The following NUTM2B variants were observed in gnomAD, a reference collection of about 807,000 sequenced individuals.
NUTM2B encodes the protein NUT family member 2B, also known as family with sequence similarity 22, member B.
Under a neutral mutation model 42.4 loss-of-function variants are expected in NUTM2B, and 2 were observed. That is an observed-to-expected ratio of 0.05 (90% confidence interval 0.02 to 0.15). The LOEUF (loss-of-function observed/expected upper bound fraction) is 0.15, where lower values mean the gene tolerates loss of function less well. Ranked by LOEUF, NUTM2B falls within the 10% of genes least tolerant of loss-of-function variation. The pLI is 1.00. For synonymous variants in NUTM2B, 18 were observed against 402.4 expected, an observed-to-expected ratio of 0.04 and a Z score of 11.43; for missense variants, 58 against 952.6, an observed-to-expected ratio of 0.06 and a Z score of 12.36.
At chr10:79,695,315 C>T in the NUTM2B span, among the ~76,000 whole-genome samples, 1 of 152,186 alleles carries the variant, frequency 6.6e-6, no homozygotes, top group Admixed American at 6.5e-5. Context: ...GCTGAGTATA[C>T]ATTTTCTGTA....
the NUTM2B span, among the ~76,000 whole-genome samples, chr10:79,694,631 C>T: frequency 5.9e-5 from 9 of 152,152 alleles, no homozygotes; most frequent in East Asian, 1.8e-3. Flanking sequence ...CACTGACCCC[C>T]ACCCCTGCCA....
At chr10:79,707,167 G>A (rs1177994286) in intron 2 of NUTM2B, among the ~76,000 whole-genome samples, 2 of 132,670 alleles carry the variant, frequency 1.5e-5, no homozygotes, top group Non-Finnish European at 3.2e-5. Flanking sequence ...CAGGAACCTG[G>A]CACATGCCTG....
upstream of NUTM2B, among the ~76,000 whole-genome samples, chr10:79,698,871 A>C (rs977610985): frequency 6.6e-6 from 1 of 152,154 alleles, no homozygotes; most frequent in Non-Finnish European, 1.5e-5. Context: ...AACACGCCAC[A>C]AATATGCAAA....
At chr10:79,692,682 C>A in the NUTM2B span, among the ~76,000 whole-genome samples, 1 of 152,184 alleles carries the variant, frequency 6.6e-6, no homozygotes, top group African/African-American at 2.4e-5. Context: ...CAGCTGTGTC[C>A]TTGCTGGTAG....
chr10:79,699,476 T>C (rs546038083), upstream of NUTM2B, among the ~76,000 whole-genome samples: 3 of 152,348 alleles, frequency 2.0e-5, no homozygotes, highest in East Asian at 5.8e-4. Flanking sequence ...GGAGTCTCGC[T>C]CTGTTGCCCA....
chr10:79,692,533 G>A, the NUTM2B span, among the ~76,000 whole-genome samples: 18 of 152,290 alleles, frequency 1.2e-4, no homozygotes, highest in South Asian at 2.7e-3. Flanking sequence ...GGGGAGTGCT[G>A]AGTGCAGAGA....
the NUTM2B span, among the ~76,000 whole-genome samples, chr10:79,695,378 G>T: frequency 6.6e-6 from 1 of 152,184 alleles, no homozygotes; most frequent in Non-Finnish European, 1.5e-5. Flanking sequence ...ACCAGAGAAA[G>T]AAGAAAATGT....
chr10:79,705,176 T>A (rs365097), intron 1 of NUTM2B, among the ~76,000 whole-genome samples: 21,915 of 111,220 alleles, frequency 0.2, 5,249 homozygotes, highest in African/African-American at 0.4. Context: ...ACCTATTGTA[T>A]CATGACCAGC....
upstream of NUTM2B, among the ~76,000 whole-genome samples, chr10:79,699,122 C>T (rs2132233639): frequency 6.6e-6 from 1 of 151,964 alleles, no homozygotes; most frequent in Non-Finnish European, 1.5e-5. Context: ...GCACGCATCA[C>T]CATGCAACAT....
the NUTM2B span, among the ~76,000 whole-genome samples, chr10:79,693,552 T>TAGC: frequency 6.6e-6 from 1 of 152,210 alleles, no homozygotes; most frequent in Non-Finnish European, 1.5e-5. Context: ...TCAGCGATTC[T>TAGC]AGCAATTGCC....
At chr10:79,694,692 G>A in the NUTM2B span, among the ~76,000 whole-genome samples, 1 of 152,124 alleles carries the variant, frequency 6.6e-6, no homozygotes, top group Non-Finnish European at 1.5e-5. Flanking sequence ...AGAGAATGGG[G>A]ACCCAGAACC....
intron 2 of NUTM2B, among the ~76,000 whole-genome samples, chr10:79,707,213 G>C (rs1454492995): frequency 7.5e-6 from 1 of 133,104 alleles, no homozygotes; most frequent in Admixed American, 7.8e-5. Flanking sequence ...CAGCGGTGGT[G>C]GAGCCTGCAT....
chr10:79,692,995 G>A, the NUTM2B span, among the ~76,000 whole-genome samples: 2 of 152,216 alleles, frequency 1.3e-5, no homozygotes, highest in African/African-American at 4.8e-5. Context: ...CAAGGAAGGA[G>A]AGGCTGGGGA....
At chr10:79,700,005 G>C (rs1223611894), upstream of NUTM2B, among the ~76,000 whole-genome samples, 1 of 152,232 alleles carries the variant, frequency 6.6e-6, no homozygotes, top group Admixed American at 6.5e-5. Context: ...TTAGATACAT[G>C]TGTAGCCTAC....
upstream of NUTM2B, among the ~76,000 whole-genome samples, chr10:79,699,000 T>C (rs1840268523): frequency 6.6e-6 from 1 of 152,110 alleles, no homozygotes; most frequent in Non-Finnish European, 1.5e-5. Context: ...CAGAATCATA[T>C]AAACTCCACC....
chr10:79,705,138 G>T (rs1464126369), intron 1 of NUTM2B, among the ~76,000 whole-genome samples: 1 of 127,572 alleles, frequency 7.8e-6, no homozygotes, highest in Non-Finnish European at 1.6e-5. Context: ...CAAAGGAGAA[G>T]GGCCAGGGAT....
chr10:79,705,070 C>G (rs1589262244), intron 1 of NUTM2B, among the ~76,000 whole-genome samples: 2 of 140,168 alleles, frequency 1.4e-5, no homozygotes, highest in Non-Finnish European at 3.1e-5. Flanking sequence ...CCTCACCCGG[C>G]CCATGGCCCA....
At chr10:79,700,677 A>G (rs1432854916), upstream of NUTM2B, among the ~76,000 whole-genome samples, 3 of 152,018 alleles carry the variant, frequency 2.0e-5, no homozygotes, top group South Asian at 4.1e-4. Context: ...ACGCCATGAG[A>G]GCGAAGGCCG....
At position 79,710,359 on chromosome 10, in the gene NUTM2B, GTCC is replaced by G. The variant is rs1564712147; in HGVS notation, c.1352-16_1352-14del. 6.6e-7 allele frequency: 1 copy of G among 1,511,150 alleles called. No individual in the cohort carries two copies. Among genetic ancestry groups the G allele is most frequent in the African/African-American group, 1.5e-5 (1 of 68,840 alleles). The allele number at this position is 1,511,150 out of a possible 1,614,324, so 93.6% of individuals were successfully genotyped here. ...AGGAGGAGCGGCCCTCACCACGCCC[GTCC>G]TCCTCCCTCTCTGCCTCAGTGTACC... On this transcript the variant is annotated intron_variant, in intron 4 of 6. Transcript: ENST00000429828.
Sources: allele counts gnomAD v4.1 joint callset (sites outside exome capture counted in the v4.1 genomes callset), GRCh38; gene constraint gnomAD v4.1.1; transcripts MANE v1.5; gene names NCBI Gene and HGNC (gene_info 2026-07-23, HGNC 2026-07-21).